ERC1: variants seen among roughly 807,000 people sequenced by gnomAD.
The protein encoded by ERC1 is RAB6 interacting protein 2.
ERC1 carries 56 observed loss-of-function variants against 132.0 expected under a neutral mutation model. That is an observed-to-expected ratio of 0.42 (90% CI 0.34 to 0.53). The LOEUF is 0.53. ERC1 is among the 20% of genes least tolerant of loss of function. The pLI, the probability that ERC1 is intolerant of heterozygous loss-of-function variation, is 0.03. For synonymous variants in ERC1, 478 were observed against 476.1 expected (o/e 1.00, Z -0.05); for missense variants, 1,202 against 1,349.9 (o/e 0.89, Z 1.72).
chr12:1,284,444 G>T (rs2078909014), intron 14 of ERC1, among the ~76,000 whole-genome samples: 1 of 151,966 alleles, frequency 6.6e-6, no homozygotes, highest in African/African-American at 2.4e-5. Context: ...CTTTCTTTTG[G>T]ATATATACCT....
At chr12:1,223,269 T>C (rs7133170) in intron 12 of ERC1, among the ~76,000 whole-genome samples, 55,059 of 152,038 alleles carry the variant, frequency 0.36, 10,757 homozygotes, top group African/African-American at 0.49. Context: ...CCATAATAGT[T>C]GTGATCTAAT....
chr12:1,024,879 A>ATAC (rs1966840471), intron 1 of ERC1, among the ~76,000 whole-genome samples: 2 of 152,228 alleles, frequency 1.3e-5, no homozygotes, highest in Admixed American at 1.3e-4. Flanking sequence ...GGAAAAAATA[A>ATAC]TACAACATGG....
At chr12:1,372,267 G>T (rs1185370541) in intron 16 of ERC1, among the ~76,000 whole-genome samples, 1 of 152,028 alleles carries the variant, frequency 6.6e-6, no homozygotes, top group East Asian at 1.9e-4. Flanking sequence ...TAGCCCATTT[G>T]ACATGAAAAG....
At position 1,340,436 on chromosome 12, in the gene ERC1, C is replaced by T. The variant is rs574014676; in HGVS notation, c.2781-31397C>T. On this transcript the variant is annotated intron_variant, in intron 15 of 18. Transcript: ENST00000360905. ...CACCTCAGCTGACGCGCTGCCCTTG[C>T]TTCTCTAAGCAGCTCTCCCTGCCAA... is the stretch of plus-strand genomic sequence containing the variant. Among the ~76,000 whole-genome samples the T allele has an allele frequency of 3.3e-5, 5 of 152,306 alleles. No individual in the cohort carries two copies. The South Asian group carries it at 1.0e-3, about 32-fold the overall frequency.
chr12:1,376,218 AATG>A (rs1288159943), intron 16 of ERC1, among the ~76,000 whole-genome samples: 1 of 152,182 alleles, frequency 6.6e-6, no homozygotes, highest in African/African-American at 2.4e-5. Context: ...TGTTCTTTTT[AATG>A]ATATGACTCT....
chr12:1,372,039 G>C (rs184015524), intron 16 of ERC1, 62 bp downstream of exon 16: 210 of 1,569,524 alleles, frequency 1.3e-4, no homozygotes, highest in Non-Finnish European at 1.6e-5. Flanking sequence ...CTCCACACAG[G>C]TCTTTGCCAG....
Position 1,214,845 on chromosome 12 carries a change from A to G in ERC1, c.2352-21924A>G, listed in dbSNP as rs538884063. Among the ~76,000 whole-genome samples the G allele has an allele frequency of 9.2e-5, 14 of 152,304 alleles. No individual in the cohort carries two copies. The South Asian group carries it at 2.7e-3, about 29-fold the overall frequency. On this transcript the variant is annotated intron_variant, in intron 12 of 18. Transcript: ENST00000360905. Reference sequence around the variant, plus strand: ...GGCATTATTCCCATGTCATAAATAAAAAAGATAAGAACACTCTGAAGCTTA... The same window carrying G: ...GGCATTATTCCCATGTCATAAATAAGAAAGATAAGAACACTCTGAAGCTTA...
At chr12:1,141,115 T>G (rs1298739233) in intron 7 of ERC1, among the ~76,000 whole-genome samples, 4 of 152,182 alleles carry the variant, frequency 2.6e-5, no homozygotes, top group African/African-American at 7.2e-5. Context: ...ACCAAACTTT[T>G]TAGCTGGTTA....
chr12:1,341,069 CTTTTTTTTTTTT>C (rs35902573), intron 15 of ERC1, among the ~76,000 whole-genome samples: 1,326 of 63,150 alleles, frequency 0.021, 116 homozygotes, highest in African/African-American at 0.079. Flanking sequence ...TTTTCTTTTT[CTTTTTTTTTTTT>C]TTTTTTTTTT....
chr12:1,484,715 C>T (rs546968692), intron 18 of ERC1, among the ~76,000 whole-genome samples: 461 of 151,506 alleles, frequency 3.0e-3, no homozygotes, highest in Non-Finnish European at 5.4e-3. Context: ...GTAGCTGGGA[C>T]TACAGGTGCA....
intron 15 of ERC1, among the ~76,000 whole-genome samples, chr12:1,323,045 T>C (rs73034948): frequency 0.035 from 5,259 of 152,240 alleles, 97 homozygotes; most frequent in Middle Eastern, 0.075. Flanking sequence ...GTTTCCTCAC[T>C]ATGATGGGAA....
intron 12 of ERC1, among the ~76,000 whole-genome samples, chr12:1,201,944 C>G (rs544116287): frequency 1.3e-5 from 2 of 152,108 alleles, no homozygotes; most frequent in Non-Finnish European, 2.9e-5. Context: ...GATGGTGGCT[C>G]AGAGTAATTA....
chr12:1,217,925 G>A (rs1404529424), intron 12 of ERC1, among the ~76,000 whole-genome samples: 3 of 152,122 alleles, frequency 2.0e-5, no homozygotes, highest in Non-Finnish European at 4.4e-5. Context: ...ATGTTACCGG[G>A]CAAGAAGAGT....
rs371124630 is a variant in ERC1 at position 1,490,156 on chromosome 12, A to G, written c.3277A>G (p.Ile1093Val). Residue 1093 changes from isoleucine to valine, a missense_variant, in exon 19 of 19, where the codon ATT becomes GTT. By Grantham distance (29) the Ile-to-Val change is conservative. Coordinates refer to ENST00000360905, the MANE Select transcript of ERC1 (RefSeq NM_178040.4). Reference sequence around the variant, plus strand: ...AGAACTGCAGGAGTTTGCCAACGCCATTCTTCAGCAGATAGCAGACCATTG... The same window carrying G: ...AGAACTGCAGGAGTTTGCCAACGCCGTTCTTCAGCAGATAGCAGACCATTG... ...NAELQEFANA[I>V]LQQIADHCPD... is the part of the protein sequence containing the mutation. 7.4e-6 allele frequency: 12 copies of G among 1,614,090 alleles called. No homozygotes were observed. Among genetic ancestry groups the G allele is most frequent in the African/African-American group, 4.0e-5 (3 of 74,924 alleles).
intron 15 of ERC1, among the ~76,000 whole-genome samples, chr12:1,292,889 G>A (rs1336067232): frequency 6.6e-6 from 1 of 152,088 alleles, no homozygotes; most frequent in Non-Finnish European, 1.5e-5. Flanking sequence ...GCTCACGCCT[G>A]TAATCCCAGC....
At chr12:1,144,654 A>ATATATACGTG (rs1950185126) in intron 8 of ERC1, among the ~76,000 whole-genome samples, 1 of 150,376 alleles carries the variant, frequency 6.6e-6, no homozygotes, top group African/African-American at 2.5e-5. Context: ...ATATACGTAT[A>ATATATACGTG]TATATATATA....
At chr12:1,031,028 AT>A (rs1967936518) in intron 2 of ERC1, among the ~76,000 whole-genome samples, 2 of 152,158 alleles carry the variant, frequency 1.3e-5, no homozygotes, top group African/African-American at 4.8e-5. Flanking sequence ...CTAATTTAAG[AT>A]TTCGGTTGAT....
intron 15 of ERC1, among the ~76,000 whole-genome samples, chr12:1,346,960 A>AAAAAAAAG (rs1006260266): frequency 6.7e-6 from 1 of 149,650 alleles, no homozygotes; most frequent in African/African-American, 2.5e-5. Flanking sequence ...AAAAAAAAAA[A>AAAAAAAAG]AGAGAGAGAT....
chr12:1,404,220 C>T (rs982954930), intron 16 of ERC1, among the ~76,000 whole-genome samples: 1 of 152,176 alleles, frequency 6.6e-6, no homozygotes, highest in African/African-American at 2.4e-5. Context: ...TGCTTCACTG[C>T]ATCTTCACAC....
Sources: allele counts gnomAD v4.1 joint callset (sites outside exome capture counted in the v4.1 genomes callset), GRCh38; gene constraint gnomAD v4.1.1; transcripts MANE v1.5; gene names NCBI Gene and HGNC (gene_info 2026-07-23, HGNC 2026-07-21).